The following WHRN variants were observed in gnomAD, a reference collection of about 807,000 sequenced individuals.
The protein encoded by WHRN is whirlin.
Under a neutral mutation model 68.3 loss-of-function variants are expected in WHRN, and 41 were observed. That is an observed-to-expected ratio of 0.60 (90% CI 0.47 to 0.78). The LOEUF (loss-of-function observed/expected upper bound fraction) is 0.78, where lower values mean the gene tolerates loss of function less well. Ranked by LOEUF, WHRN falls within the 30% of genes least tolerant of loss-of-function variation. The probability of loss-of-function intolerance (pLI) is 0.00; values close to 1 mark genes in which losing one functional copy is unlikely to be tolerated. For missense variants in WHRN, 1,243 were observed against 1,244.7 expected (o/e 1.00, Z 0.02); for synonymous variants, 560 against 561.3 (o/e 1.00, Z 0.03).
chr9:114,478,628 G>A lies in WHRN; in HGVS notation c.762C>T (p.His254=), dbSNP rs201171374. Residue 254 remains histidine (H), a synonymous_variant, in exon 2 of 12, where the codon CAC becomes CAT. Coordinates refer to ENST00000362057, the MANE Select transcript of WHRN (RefSeq NM_015404.4). ...ISPPSGLPQP[H]GGALRQQEGD... is the part of the protein sequence containing the mutation. ...CCTCCTGCTGCCTCAGGGCACCACCGTGGGGCTGGGGCAGGCCCGAGGGTG... is the reference window on the plus strand; with the variant it reads ...CCTCCTGCTGCCTCAGGGCACCACCATGGGGCTGGGGCAGGCCCGAGGGTG... 8.9e-5 allele frequency: 143 copies of A among 1,613,908 alleles called. No individual in the cohort carries two copies. Among genetic ancestry groups the A allele is most frequent in the South Asian group, 1.8e-4 (16 of 91,042 alleles).
intron 3 of WHRN, among the ~76,000 whole-genome samples, chr9:114,437,752 A>G (rs988907669): frequency 2.0e-5 from 3 of 152,206 alleles, no homozygotes; most frequent in African/African-American, 7.2e-5. Flanking sequence ...GCCTACAGAA[A>G]TGTGAGAAAA....
Position 114,505,234 on chromosome 9 carries a change from C to CGGGCGCCCGTTCCTCTAGGGCTGGG in WHRN, c.-458_-434dup. 6.1e-6 allele frequency: 1 copy of CGGGCGCCCGTTCCTCTAGGGCTGGG among 163,442 alleles called. No individual in the cohort carries two copies. Among genetic ancestry groups the CGGGCGCCCGTTCCTCTAGGGCTGGG allele is most frequent in the Non-Finnish European group, 1.3e-5 (1 of 76,078 alleles). The allele number at this position is 163,442 out of a possible 1,614,324, so 10.1% of individuals were successfully genotyped here. ...ACACCATGCCCGGGGCTCCCCCAGC[C>CGGGCGCCCGTTCCTCTAGGGCTGGG]GGGCGCCCGTTCCTCTAGGGCTGGG... is the stretch of plus-strand genomic sequence containing the variant. On this transcript the variant is annotated 5_prime_UTR_variant, in exon 1 of 12. Coordinates refer to ENST00000362057, the MANE Select transcript of WHRN (RefSeq NM_015404.4).
At chr9:114,470,879 C>G (rs1354723733) in intron 2 of WHRN, among the ~76,000 whole-genome samples, 1 of 151,874 alleles carries the variant, frequency 6.6e-6, no homozygotes, top group Non-Finnish European at 1.5e-5. Context: ...GGGAGAGAGC[C>G]AAGAGAAGCT....
At position 114,500,604 on chromosome 9, in the gene WHRN, G is replaced by A. The variant is rs552861678; in HGVS notation, c.618+3580C>T. 7.9e-5 allele frequency among the ~76,000 whole-genome samples: 12 copies of A among 152,308 alleles called. No homozygotes were observed. In the South Asian group the frequency reaches 1.9e-3, roughly 24 times the overall value. On this transcript the variant is annotated intron_variant, in intron 1 of 11. Transcript: ENST00000362057. ...GGGGTGCTGAGGCCATAAGGAAGCC[G>A]TTTAATTTTTATTGAGATGAAACAC...
chr9:114,482,318 C>T (rs1194263659), intron 1 of WHRN, among the ~76,000 whole-genome samples: 1 of 152,210 alleles, frequency 6.6e-6, no homozygotes, highest in Non-Finnish European at 1.5e-5. Context: ...CCTGCACCCA[C>T]ATCTAGTCTG....
intron 1 of WHRN, among the ~76,000 whole-genome samples, chr9:114,491,916 T>C (rs1564227149): frequency 6.6e-6 from 1 of 151,514 alleles, no homozygotes; most frequent in Non-Finnish European, 1.5e-5. Flanking sequence ...GTGGCCTCTC[T>C]CCTCCTGGGT....
intron 2 of WHRN, among the ~76,000 whole-genome samples, chr9:114,474,209 G>A (rs975040810): frequency 6.6e-5 from 10 of 152,156 alleles, no homozygotes; most frequent in African/African-American, 2.4e-4. Flanking sequence ...CACCTTTGAA[G>A]TTCACCTTAA....
rs530868944 is a variant in WHRN, at chr9:114,426,281, G to A, written c.1096C>T (p.Arg366Cys). ...CACTTGGTCTCGTCCACAGTGGTGCGGGCATGGGGCAGCCTCCCGACGTCC... is the reference window on the plus strand; with the variant it reads ...CACTTGGTCTCGTCCACAGTGGTGCAGGCATGGGGCAGCCTCCCGACGTCC... The part of the protein sequence containing the change: ...VKDVGRLPHA[R>C]TTVDETKWIA... Residue 366 changes from arginine (R) to cysteine (C), a missense_variant, in exon 4 of 12, where the codon CGC becomes TGC. Arg to Cys is a radical substitution (Grantham distance 180, BLOSUM62 -3). Coordinates refer to ENST00000362057, the MANE Select transcript of WHRN (RefSeq NM_015404.4). The A allele has an allele frequency of 1.5e-5, 24 of 1,613,336 alleles. No individual in the cohort carries two copies. The highest frequency in any genetic ancestry group is 1.0e-4 in the Admixed American group (6 of 60,034).
intron 3 of WHRN, among the ~76,000 whole-genome samples, chr9:114,438,853 A>C (rs566936561): frequency 5.9e-5 from 9 of 152,224 alleles, no homozygotes; most frequent in Non-Finnish European, 1.3e-4. Flanking sequence ...TGTGACTGTA[A>C]AACACTGAAA....
chr9:114,478,761 C>T lies in WHRN; in HGVS notation c.629G>A (p.Gly210Asp), dbSNP rs1244034978. ...CACAGACAGCACCAGCTTCTTGGAG[C>T]CCTTCAGAGCCTAGGGAGAGAGGGA... ...THAEAVKALK[G>D]SKKLVLSVYS... Residue 210 changes from glycine to aspartate, a missense_variant, in exon 2 of 12, where the codon GGC becomes GAC. Physicochemically the swap from Gly to Asp is moderately conservative, Grantham distance 94 (BLOSUM62 -1). Transcript: ENST00000362057. 6.2e-7 allele frequency: 1 copy of T among 1,611,324 alleles called. No individual in the cohort carries two copies. The highest frequency in any genetic ancestry group is 2.2e-5 in the East Asian group (1 of 44,850).
At chr9:114,456,479 G>A (rs190808343) in intron 3 of WHRN, among the ~76,000 whole-genome samples, 2 of 152,278 alleles carry the variant, frequency 1.3e-5, no homozygotes, top group East Asian at 1.9e-4. Context: ...AAACCAAGAA[G>A]AGTCGTATAT....
intron 7 of WHRN, among the ~76,000 whole-genome samples, chr9:114,419,451 T>A (rs1836086791): frequency 6.6e-6 from 1 of 152,224 alleles, no homozygotes; most frequent in African/African-American, 2.4e-5. Flanking sequence ...ATCGCTGCCC[T>A]CAAGCAGTCA....
rs1564217163 is a variant in WHRN, at chr9:114,486,924, TA to T, written c.619-8154del. On this transcript the variant is annotated intron_variant, in intron 1 of 11. Coordinates refer to ENST00000362057, the MANE Select transcript of WHRN (RefSeq NM_015404.4). ...TGTGTGTAGAGTGTGTGTGTGTGTG[TA>T]GAGTGTGTGTGTGTGTTGTGTGTGT... 2.0e-4 allele frequency among the ~76,000 whole-genome samples: 12 copies of T among 59,572 alleles called. 1 individual carries two copies. The South Asian group carries it at 4.1e-3, about 20-fold the overall frequency. 39.1% of individuals were successfully genotyped at this position (59,572 alleles called of 152,430 possible).
At chr9:114,471,919 G>A (rs1841255417) in intron 2 of WHRN, among the ~76,000 whole-genome samples, 1 of 152,198 alleles carries the variant, frequency 6.6e-6, no homozygotes. Flanking sequence ...CAGGTGCAGT[G>A]GCTGCCATCT....
Position 114,489,520 on chromosome 9 carries a change from A to ACACACGCGTG in WHRN, c.619-10750_619-10749insCACGCGTGTG, listed in dbSNP as rs1842811537. Among the ~76,000 whole-genome samples the ACACACGCGTG allele has an allele frequency of 7.0e-4, 5 of 7,146 alleles. No individual in the cohort carries two copies. In the Non-Finnish European group the frequency reaches 0.025, roughly 36 times the overall value. The allele number at this position is 7,146 out of a possible 152,430, so 4.7% of individuals were successfully genotyped here. ...CACACACACGCACACACGCGTGCAC[A>ACACACGCGTG]CACACACACACACACACTTTCCAAG... On this transcript the variant is annotated intron_variant, in intron 1 of 11. Coordinates refer to ENST00000362057, the MANE Select transcript of WHRN (RefSeq NM_015404.4).
intron 6 of WHRN, among the ~76,000 whole-genome samples, chr9:114,423,880 A>G (rs977088206): frequency 3.3e-5 from 5 of 152,208 alleles, no homozygotes; most frequent in Admixed American, 2.6e-4. Context: ...CTTCCGAAAC[A>G]TAACCCCTCC....
At position 114,430,142 on chromosome 9, in the gene WHRN, G is replaced by A. The variant is rs527753767; in HGVS notation, c.964-3729C>T. Among the ~76,000 whole-genome samples the A allele has an allele frequency of 6.6e-5, 10 of 152,258 alleles. No homozygotes were observed. The East Asian group carries it at 1.4e-3, about 21-fold the overall frequency. On this transcript the variant is annotated intron_variant, in intron 3 of 11. Transcript: ENST00000362057. ...AACGGGCATCCAAGAGACCAGCTAC[G>A]GAAGGGCATCCTTCTGTATGCAAGC... is the stretch of plus-strand genomic sequence containing the variant.
chr9:114,408,031 G>A lies in WHRN; in HGVS notation c.1627-13C>T, dbSNP rs759008740. 7.6e-6 allele frequency: 12 copies of A among 1,588,056 alleles called. No homozygotes were observed. Among genetic ancestry groups the A allele is most frequent in the South Asian group, 2.3e-5 (2 of 87,678 alleles). On this transcript the variant is annotated splice_polypyrimidine_tract_variant and intron_variant, in intron 7 of 11. Coordinates refer to ENST00000362057, the MANE Select transcript of WHRN (RefSeq NM_015404.4). ...GGTCCAGAGTGTTCTAGAAATGGAC[G>A]AGAAAGCAAAGTGAGCAAACAGAAG...
rs776919954 is a variant in WHRN at position 114,466,408 on chromosome 9, G to A, written c.838-16C>T. 4 of 1,613,736 alleles carry A rather than the reference G, an allele frequency of 2.5e-6. No homozygotes were observed. The South Asian group carries it at 3.3e-5, about 13-fold the overall frequency. On this transcript the variant is annotated splice_polypyrimidine_tract_variant and intron_variant, in intron 2 of 11. Coordinates refer to ENST00000362057, the MANE Select transcript of WHRN (RefSeq NM_015404.4). ...CCAGGTTCACCTGTCAGAGGGAGAG[G>A]ATAACATTAGAGGGACTGGAGGAGC... is the stretch of plus-strand genomic sequence containing the variant.
Sources: allele counts gnomAD v4.1 joint callset (sites outside exome capture counted in the v4.1 genomes callset), GRCh38; gene constraint gnomAD v4.1.1; transcripts MANE v1.5; gene names NCBI Gene and HGNC (gene_info 2026-07-23, HGNC 2026-07-21).